The following DCP2 variants were observed in gnomAD, a reference collection of about 807,000 sequenced individuals.
DCP2 encodes decapping mRNA 2.
In DCP2, 30 loss-of-function variants were observed where a neutral mutation model predicts 56.1. The ratio of observed to expected loss-of-function variants is 0.53; its 90% CI spans 0.40 to 0.73. DCP2 has a LOEUF of 0.73. DCP2 is among the 30% of genes least tolerant of loss of function. The pLI, the probability that DCP2 is intolerant of heterozygous loss-of-function variation, is 0.00. For synonymous variants in DCP2, 197 were observed against 163.3 expected, an observed-to-expected ratio of 1.21 and a Z score of -1.57; for missense variants, 533 against 502.7, an observed-to-expected ratio of 1.06 and a Z score of -0.58.
intron 10 of DCP2, among the ~76,000 whole-genome samples, chr5:113,013,094 C>A (rs564679567): frequency 2.6e-4 from 39 of 152,130 alleles, no homozygotes; most frequent in African/African-American, 9.2e-4. Context: ...GTCTTAATGG[C>A]TGAGATTAAG....
intron 2 of DCP2, among the ~76,000 whole-genome samples, chr5:112,988,677 T>C (rs868810323): frequency 1.1e-4 from 16 of 152,128 alleles, no homozygotes; most frequent in Non-Finnish European, 2.4e-4. Context: ...TAGAAGTTAA[T>C]GAGAAATCAG....
At chr5:113,006,485 T>A (rs1279565113) in intron 8 of DCP2, among the ~76,000 whole-genome samples, 2 of 152,226 alleles carry the variant, frequency 1.3e-5, no homozygotes, top group East Asian at 3.8e-4. Flanking sequence ...TGAAACTAAA[T>A]TAAAACTGCG....
chr5:113,007,641 C>T (rs933409174), intron 8 of DCP2, among the ~76,000 whole-genome samples: 3 of 151,998 alleles, frequency 2.0e-5, no homozygotes, highest in Non-Finnish European at 4.4e-5. Flanking sequence ...TCGTGATCCG[C>T]CCGCCTCAGC....
At chr5:112,987,977 G>A in intron 2 of DCP2, among the ~76,000 whole-genome samples, 1 of 152,228 alleles carries the variant, frequency 6.6e-6, no homozygotes, top group East Asian at 1.9e-4. Flanking sequence ...GTACCCACAA[G>A]TTCGTGTACT....
In DCP2 at chr5:113,007,961, C is replaced by T; in HGVS notation, c.966C>T (p.Gly322=). ...AGAATCAAAGTATGAGGGGAAATGG[C>T]AGAAAACAGTATCAAGATTCACCTA... ...KGKNQSMRGN[G]RKQYQDSPNQ... The change falls in exon 9 of 11, where the codon GGC becomes GGT. Residue 322 remains glycine (G), a synonymous_variant. Coordinates refer to ENST00000389063, the MANE Select transcript of DCP2 (RefSeq NM_152624.6). 6.2e-7 allele frequency: 1 copy of T among 1,613,354 alleles called. No homozygotes were observed.
intron 2 of DCP2, among the ~76,000 whole-genome samples, chr5:112,988,648 A>C (rs1325682096): frequency 6.6e-6 from 1 of 152,212 alleles, no homozygotes; most frequent in Non-Finnish European, 1.5e-5. Flanking sequence ...GAAATGATCA[A>C]ACCGTTTGAT....
At chr5:112,985,691 C>G (rs1023411223) in intron 1 of DCP2, 144 bp from the exon 2 acceptor site, 1 of 806,766 alleles carries the variant, frequency 1.2e-6, no homozygotes, top group African/African-American at 1.7e-5. Context: ...TAGTATTTCT[C>G]TCAAATATTA....
chr5:113,011,053 C>T (rs1225514475), intron 10 of DCP2, among the ~76,000 whole-genome samples: 4 of 152,050 alleles, frequency 2.6e-5, no homozygotes, highest in Non-Finnish European at 2.9e-5. Flanking sequence ...TAGTGCTATG[C>T]GTGAATATTT....
chr5:113,013,692 C>A lies in DCP2; in HGVS notation c.*208C>A. The A allele has an allele frequency of 2.0e-6, 1 of 500,996 alleles. No individual in the cohort carries two copies. The highest frequency in any genetic ancestry group is 3.3e-5 in the East Asian group (1 of 30,590). The allele number at this position is 500,996 out of a possible 1,614,324, so 31.0% of individuals were successfully genotyped here. A position where few individuals can be genotyped will look rare whatever the true frequency, so the allele number is the denominator to read the frequency against. On this transcript the variant is annotated 3_prime_UTR_variant, in exon 11 of 11. Transcript: ENST00000389063. ...AACCTTTTATACAGATTTACCTTTT[C>A]AGTGTTCAGTACAAGTTTAAGTTGC...
intron 4 of DCP2, among the ~76,000 whole-genome samples, chr5:113,000,082 A>AT (rs1491232997): frequency 2.8e-5 from 4 of 140,478 alleles, no homozygotes; most frequent in African/African-American, 1.0e-4. Context: ...AAAAAAAAAA[A>AT]GAAGAAGAAA....
intron 8 of DCP2, among the ~76,000 whole-genome samples, chr5:113,006,143 C>G (rs900823313): frequency 6.7e-6 from 1 of 148,776 alleles, no homozygotes; most frequent in Non-Finnish European, 1.5e-5. Context: ...AAAAAAATTT[C>G]GAAGCATGCT....
chr5:112,992,758 T>G lies in DCP2; in HGVS notation c.420T>G (p.Cys140Trp), dbSNP rs1748651200. The G allele has an allele frequency of 6.3e-7, 1 of 1,581,986 alleles. No homozygotes were observed. The highest frequency in any genetic ancestry group is 2.0e-5 in the Admixed American group (1 of 49,754). The change falls in exon 4 of 11, where the codon TGT becomes TGG. Residue 140 changes from cysteine to tryptophan, a missense_variant. Transcript: ENST00000389063. ...KVNKEEAPHD[C>W]AAREVFEETG... ...ATAAAGAAGAAGCTCCTCATGATTG[T>G]GCTGCTAGAGAGGTAAGTTATTCCA...
At chr5:112,982,827 A>C (rs1748074498) in intron 1 of DCP2, among the ~76,000 whole-genome samples, 2 of 152,190 alleles carry the variant, frequency 1.3e-5, no homozygotes, top group African/African-American at 2.4e-5. Context: ...TCAGTTAAAA[A>C]ACTTTCTTGT....
intron 8 of DCP2, among the ~76,000 whole-genome samples, chr5:113,006,959 C>G (rs1018351937): frequency 1.3e-5 from 2 of 151,938 alleles, no homozygotes; most frequent in Non-Finnish European, 2.9e-5. Context: ...AGGGTGAAAA[C>G]CTTCACCGTC....
In DCP2 at chr5:113,016,872, A is replaced by C. The variant is rs1749909361; in HGVS notation, c.*3388A>C. On this transcript the variant is annotated 3_prime_UTR_variant, in exon 11 of 11. Transcript: ENST00000389063. ...TTTTTTTTTTTTGAGATGGAGTTTC[A>C]CTCCTGTTGCCCAGGCTGGAGTGCA... 8.8e-6 allele frequency: 1 copy of C among 113,880 alleles called. No homozygotes were observed. Among genetic ancestry groups the C allele is most frequent in the Non-Finnish European group, 1.7e-5 (1 of 58,806 alleles). 7.1% of individuals were successfully genotyped at this position (113,880 alleles called of 1,614,324 possible).
chr5:113,006,740 C>T (rs2150188455), intron 8 of DCP2, among the ~76,000 whole-genome samples: 1 of 152,284 alleles, frequency 6.6e-6, no homozygotes, highest in East Asian at 1.9e-4. Flanking sequence ...TTAATTTAAA[C>T]TTAAGAATTT....
intron 1 of DCP2, among the ~76,000 whole-genome samples, chr5:112,982,710 T>A (rs1415727898): frequency 6.6e-6 from 1 of 152,198 alleles, no homozygotes; most frequent in Non-Finnish European, 1.5e-5. Flanking sequence ...AAAATACAGT[T>A]GCTCTGAAAA....
At chr5:112,986,197 C>T (rs868364116) in intron 2 of DCP2, among the ~76,000 whole-genome samples, 15 of 152,116 alleles carry the variant, frequency 9.9e-5, no homozygotes, top group African/African-American at 2.2e-4. Flanking sequence ...ATACAGAGGA[C>T]GCCCTAAAAT....
chr5:112,995,602 G>A (rs1200527786), intron 4 of DCP2, among the ~76,000 whole-genome samples: 1 of 152,132 alleles, frequency 6.6e-6, no homozygotes, highest in Non-Finnish European at 1.5e-5. Flanking sequence ...CTTAATTTCA[G>A]GGAGAATTTT....
Sources: allele counts gnomAD v4.1 joint callset (sites outside exome capture counted in the v4.1 genomes callset), GRCh38; gene constraint gnomAD v4.1.1; transcripts MANE v1.5; gene names NCBI Gene and HGNC (gene_info 2026-07-23, HGNC 2026-07-21).